The following ASPM variants were observed in gnomAD, a reference collection of about 807,000 sequenced individuals.
ASPM encodes the protein abnormal spindle-like microcephaly-associated protein.
In ASPM, 256 loss-of-function variants were observed where a neutral mutation model predicts 366.4. That is an observed-to-expected ratio of 0.70 (90% confidence interval 0.63 to 0.77). The LOEUF is 0.77. Among genes scored for constraint, ASPM ranks in the 30% least tolerant of loss-of-function variants. The probability of loss-of-function intolerance (pLI) is 0.00; values close to 1 mark genes in which losing one functional copy is unlikely to be tolerated. For synonymous variants in ASPM, 1,414 were observed against 1,342.9 expected, an observed-to-expected ratio of 1.05 and a Z score of -1.16; for missense variants, 4,146 against 4,090.4, an observed-to-expected ratio of 1.01 and a Z score of -0.37.
intron 17 of ASPM, among the ~76,000 whole-genome samples, chr1:197,115,065 A>T (rs1047981420): frequency 4.6e-5 from 7 of 151,630 alleles, no homozygotes; most frequent in Non-Finnish European, 1.0e-4. Flanking sequence ...TTATTTTTAA[A>T]TGGGGTCTCA....
At position 197,096,071 on chromosome 1, in the gene ASPM, T is replaced by C; in HGVS notation, c.8914A>G (p.Lys2972Glu). The C allele has an allele frequency of 1.2e-6, 2 of 1,609,066 alleles. No homozygotes were observed. Among genetic ancestry groups the C allele is most frequent in the Non-Finnish European group, 1.7e-6 (2 of 1,176,070 alleles). The change falls in exon 19 of 28, where the codon AAA becomes GAA. Residue 2972 changes from lysine (K) to glutamate (E), a missense_variant. Around this residue, in one of 3 missense-constraint regions of ASPM, gnomAD observed 3,624 missense variants for 3,591.7 expected, o/e 1.01. Coordinates refer to ENST00000367409, the MANE Select transcript of ASPM (RefSeq NM_018136.5). ...GCTTTTAATATAGCTAGATATTCTT[T>C]GTGTGCTCTCCAACATCTATACCAG... ...QAWYRCWRAH[K>E]EYLAILKAVK...
chr1:197,130,760 A>G (rs1455371539), intron 7 of ASPM, among the ~76,000 whole-genome samples: 1 of 152,160 alleles, frequency 6.6e-6, no homozygotes, highest in African/African-American at 2.4e-5. Context: ...GGGTGTAGTA[A>G]TAAGGTACCT....
At position 197,103,880 on chromosome 1, in the gene ASPM, G is replaced by GTGCTTTGTA; in HGVS notation, c.5362_5370dup (p.Tyr1788_Ala1790dup). On this transcript the variant is annotated inframe_insertion, in exon 18 of 28. Coordinates refer to ENST00000367409, the MANE Select transcript of ASPM (RefSeq NM_018136.5). ...AAGAAGTTCTTCCTCTGATTGACCT[G>GTGCTTTGTA]TGCTTTGTATGCATGATAGTAATTC... 1 of 1,612,890 alleles carries GTGCTTTGTA rather than the reference G, an allele frequency of 6.2e-7. No individual in the cohort carries two copies. The highest frequency in any genetic ancestry group is 2.2e-5 in the East Asian group (1 of 44,822).
chr1:197,088,513 A>C, intron 25 of ASPM, 81 bp from the exon 26 acceptor site: 1 of 1,406,682 alleles, frequency 7.1e-7, no homozygotes, highest in Admixed American at 2.0e-5. Flanking sequence ...ACAAAATACA[A>C]AAGTCCATAC....
At chr1:197,134,726 A>C (rs1031530042) in intron 5 of ASPM, among the ~76,000 whole-genome samples, 1 of 152,220 alleles carries the variant, frequency 6.6e-6, no homozygotes, top group African/African-American at 2.4e-5. Flanking sequence ...TGAAATGTTT[A>C]AAAATTCCTC....
chr1:197,108,999 G>GAGAA (rs1203483990), intron 17 of ASPM, among the ~76,000 whole-genome samples: 1 of 144,842 alleles, frequency 6.9e-6, no homozygotes, highest in East Asian at 2.0e-4. Context: ...AAAAAGTCCA[G>GAGAA]AGAAGAATGT....
intron 25 of ASPM, 45 bp from the exon 26 acceptor site, chr1:197,088,477 C>T (rs753302808): frequency 2.1e-5 from 32 of 1,524,824 alleles, no homozygotes; most frequent in Non-Finnish European, 2.8e-5. Flanking sequence ...TAAACACATA[C>T]ATTTACAAAC....
chr1:197,086,926 TAG>T lies in ASPM; in HGVS notation c.10206_10207del (p.Tyr3403GlnfsTer6), dbSNP rs1183293394. On this transcript the variant is annotated frameshift_variant, in exon 27 of 28. Coordinates refer to ENST00000367409, the MANE Select transcript of ASPM (RefSeq NM_018136.5). LOFTEE classifies it high-confidence loss of function. Reference sequence around the variant, plus strand: ...TTTATGTTTATGAGCTGTAAGTTTGTAGAGACTGTAAATACGGTCAACAACTT... The same window carrying T: ...TTTATGTTTATGAGCTGTAAGTTTGTAGACTGTAAATACGGTCAACAACTT... 1 of 1,611,184 alleles carries T rather than the reference TAG, an allele frequency of 6.2e-7. No individual in the cohort carries two copies. The highest frequency in any genetic ancestry group is 1.3e-5 in the African/African-American group (1 of 74,862).
At chr1:197,095,061 T>C (rs1265300523) in intron 19 of ASPM, among the ~76,000 whole-genome samples, 1 of 151,804 alleles carries the variant, frequency 6.6e-6, no homozygotes, top group Non-Finnish European at 1.5e-5. Context: ...GGGATATCCA[T>C]CACCTCGAAC....
chr1:197,109,363 G>A (rs549580681), intron 17 of ASPM, among the ~76,000 whole-genome samples: 26 of 152,022 alleles, frequency 1.7e-4, no homozygotes, highest in Admixed American at 3.3e-4. Context: ...TTTATCCTTG[G>A]AATGTAAGTT....
chr1:197,096,136 T>C lies in ASPM; in HGVS notation c.8849A>G (p.Lys2950Arg). 4 of 1,608,232 alleles carry C rather than the reference T, an allele frequency of 2.5e-6. No individual in the cohort carries two copies. The highest frequency in any genetic ancestry group is 3.4e-6 in the Non-Finnish European group (4 of 1,175,872). ...QAMWRRYRAK[K>R]YLCKVKAACK... ...GGCAGCTTTCACTTTACATAAATAT[T>C]TCTTGGCTCTATATCTCCTCCACAT... is the stretch of plus-strand genomic sequence containing the variant. The change falls in exon 19 of 28, where the codon AAA becomes AGA. Residue 2950 changes from lysine (K) to arginine (R), a missense_variant. Physicochemically the swap from Lys to Arg is conservative, Grantham distance 26. This residue lies in a region of ASPM where 3,624 missense variants were observed against 3,591.7 expected (regional missense o/e 1.01). Transcript: ENST00000367409.
intron 8 of ASPM, 112 bp from the exon 9 acceptor site, chr1:197,129,429 G>A: frequency 1.7e-6 from 2 of 1,204,944 alleles, no homozygotes; most frequent in Non-Finnish European, 2.4e-6. Flanking sequence ...GTGTAGGGTA[G>A]CAAGCACAAA....
At chr1:197,134,473 C>G (rs187003130) in intron 5 of ASPM, among the ~76,000 whole-genome samples, 1 of 152,074 alleles carries the variant, frequency 6.6e-6, no homozygotes, top group Non-Finnish European at 1.5e-5. Flanking sequence ...AAATCAGTGT[C>G]TGTCTGAACA....
At position 197,142,907 on chromosome 1, in the gene ASPM, C is replaced by A; in HGVS notation, c.1345G>T (p.Ala449Ser). The A allele has an allele frequency of 6.2e-7, 1 of 1,613,836 alleles. No individual in the cohort carries two copies. The highest frequency in any genetic ancestry group is 1.7e-5 in the Admixed American group (1 of 60,012). Residue 449 changes from alanine (A) to serine (S), a missense_variant, in exon 3 of 28, where the codon GCT becomes TCT. Ala to Ser is a moderately conservative substitution (Grantham distance 99). Coordinates refer to ENST00000367409, the MANE Select transcript of ASPM (RefSeq NM_018136.5). Reference protein sequence around the residue: ...PECQGSKSPKAIFEELVEMKS... With the variant: ...PECQGSKSPKSIFEELVEMKS... ...ATTTCTACTAGTTCTTCAAAAATAG[C>A]TTTGGGAGATTTTGAACCCTGACAT...
chr1:197,093,541 C>T (rs1656857709), intron 20 of ASPM, among the ~76,000 whole-genome samples: 1 of 151,784 alleles, frequency 6.6e-6, no homozygotes, highest in African/African-American at 2.4e-5. Context: ...GGGAAAAGGA[C>T]TAACATTACA....
Position 197,118,129 on chromosome 1 carries a change from A to G in ASPM, c.3871-146T>C. The stretch of plus-strand genomic sequence containing the variant: ...CACTTCTTGTGTTCATCTTTGGAAT[A>G]CTGATAATTCCAGGCATGTCGAAAG... On this transcript the variant is annotated intron_variant, in intron 16 of 27. Coordinates refer to ENST00000367409, the MANE Select transcript of ASPM (RefSeq NM_018136.5). 4 of 788,008 alleles carry G rather than the reference A, an allele frequency of 5.1e-6. No individual in the cohort carries two copies. The South Asian group carries it at 6.5e-5, about 13-fold the overall frequency. 48.8% of individuals were successfully genotyped at this position (788,008 alleles called of 1,614,324 possible).
chr1:197,127,941 G>A (rs757887552), intron 10 of ASPM, among the ~76,000 whole-genome samples: 10 of 152,026 alleles, frequency 6.6e-5, no homozygotes, highest in Admixed American at 1.3e-4. Context: ...CGAGGCAGGC[G>A]GATCACGAGG....
intron 22 of ASPM, 46 bp from the exon 23 acceptor site, chr1:197,091,087 T>C (rs756703786): frequency 1.4e-6 from 2 of 1,448,224 alleles, no homozygotes; most frequent in Admixed American, 1.7e-5. Context: ...CTTCAGGTTT[T>C]TTTAAAAAAA....
At chr1:197,086,107 AC>A in intron 27 of ASPM, among the ~76,000 whole-genome samples, 1 of 152,174 alleles carries the variant, frequency 6.6e-6, no homozygotes, top group Admixed American at 6.6e-5. Flanking sequence ...ACTACATTAT[AC>A]AGTTTATAAT....
Sources: gnomAD v4.1 joint callset for allele counts (sites outside exome capture counted in the v4.1 genomes callset) on GRCh38, gnomAD v4.1.1 for gene constraint, gnomAD v4.1.1 regional missense constraint, MANE v1.5 for transcripts, NCBI Gene and HGNC (gene_info 2026-07-23, HGNC 2026-07-21) for gene names.